Variants in SMARCB1 observed in about 807,000 individuals in gnomAD.
SMARCB1 encodes the protein SWI/SNF related BAF chromatin remodeling complex subunit B1, also known as SWI/SNF-related matrix-associated actin-dependent regulator of chromatin subfamily B member 1.
Under a neutral mutation model 49.0 loss-of-function variants are expected in SMARCB1, and 5 were observed. That is an observed-to-expected ratio of 0.10 (90% CI 0.05 to 0.21). The LOEUF is 0.21. Ranked by LOEUF, SMARCB1 falls within the 10% of genes least tolerant of loss-of-function variation. SMARCB1 has a pLI of 1.00. For synonymous variants in SMARCB1, 201 were observed against 200.1 expected, an observed-to-expected ratio of 1.00 and a Z score of -0.04; for missense variants, 226 against 509.2, an observed-to-expected ratio of 0.44 and a Z score of 5.35.
At position 23,834,416 on chromosome 22, in the gene SMARCB1, A is replaced by T; in HGVS notation, c.*236A>T. 1 of 702,076 alleles carries T rather than the reference A, an allele frequency of 1.4e-6. No individual in the cohort carries two copies. The allele number at this position is 702,076 out of a possible 1,614,324, so 43.5% of individuals were successfully genotyped here. ...TCCCCAGTCTCTGGGGTCAGGAAGAAACCTTATTTTAGGTTGTGTTTTGTT... is the reference window on the plus strand; with the variant it reads ...TCCCCAGTCTCTGGGGTCAGGAAGATACCTTATTTTAGGTTGTGTTTTGTT... On this transcript the variant is annotated 3_prime_UTR_variant, in exon 9 of 9. Coordinates refer to ENST00000644036, the MANE Select transcript of SMARCB1 (RefSeq NM_003073.5).
chr22:23,833,495 C>T, intron 7 of SMARCB1, 77 bp from the exon 8 acceptor site: 1 of 1,596,848 alleles, frequency 6.3e-7, no homozygotes, highest in Non-Finnish European at 8.6e-7. Context: ...AGGGCACAGA[C>T]AGGGGCCAAA....
chr22:23,798,705 A>C (rs1473962680), intron 3 of SMARCB1, among the ~76,000 whole-genome samples: 1 of 152,150 alleles, frequency 6.6e-6, no homozygotes, highest in Non-Finnish European at 1.5e-5. Context: ...CCCTCTGGAA[A>C]GGAGAAGGAC....
chr22:23,800,712 T>C (rs992283775), intron 3 of SMARCB1, among the ~76,000 whole-genome samples: 1 of 152,180 alleles, frequency 6.6e-6, no homozygotes, highest in Non-Finnish European at 1.5e-5. Context: ...CAGTACACCA[T>C]GGCCGTGCTG....
chr22:23,809,409 TG>T (rs1929727213), intron 5 of SMARCB1, among the ~76,000 whole-genome samples: 1 of 151,792 alleles, frequency 6.6e-6, no homozygotes, highest in Non-Finnish European at 1.5e-5. Flanking sequence ...CCTGAGTAGC[TG>T]GGATTACAGG....
At chr22:23,813,865 T>C (rs1326547023) in intron 5 of SMARCB1, among the ~76,000 whole-genome samples, 2 of 152,178 alleles carry the variant, frequency 1.3e-5, no homozygotes, top group Admixed American at 6.5e-5. Flanking sequence ...AGTTTTGCTC[T>C]TTTGCCCAGG....
chr22:23,824,921 C>A, intron 6 of SMARCB1: 1 of 497,726 alleles, frequency 2.0e-6, no homozygotes, highest in Non-Finnish European at 3.7e-6. Context: ...GGAAGGTCCC[C>A]ACCAGCACAG....
chr22:23,827,372 T>G (rs1285535479), intron 7 of SMARCB1, among the ~76,000 whole-genome samples: 2 of 152,184 alleles, frequency 1.3e-5, no homozygotes, highest in Non-Finnish European at 2.9e-5. Context: ...GACCCGAAGG[T>G]GACCTGAGCC....
intron 3 of SMARCB1, among the ~76,000 whole-genome samples, chr22:23,795,240 C>T (rs1928665273): frequency 6.6e-6 from 1 of 151,986 alleles, no homozygotes; most frequent in Admixed American, 6.6e-5. Context: ...CCCAGGAGAC[C>T]AGCCTGAGCA....
intron 3 of SMARCB1, among the ~76,000 whole-genome samples, chr22:23,800,502 G>A (rs574580176): frequency 2.6e-5 from 4 of 152,150 alleles, no homozygotes; most frequent in East Asian, 1.9e-4. Context: ...ACCTGTGATC[G>A]GTCCCCTCCC....
At chr22:23,795,340 G>A (rs976876991) in intron 3 of SMARCB1, among the ~76,000 whole-genome samples, 86 of 151,974 alleles carry the variant, frequency 5.7e-4, no homozygotes, top group Non-Finnish European at 1.8e-4. Context: ...GTAACAGAAC[G>A]ACACTCTTTG....
chr22:23,805,691 G>A (rs930091433), intron 5 of SMARCB1, among the ~76,000 whole-genome samples: 1 of 152,160 alleles, frequency 6.6e-6, no homozygotes, highest in African/African-American at 2.4e-5. Context: ...TTTTAGTGGA[G>A]ACGGGATTTC....
Position 23,834,602 on chromosome 22 carries a change from T to C in SMARCB1, c.*422T>C, listed in dbSNP as rs2030888479. On this transcript the variant is annotated 3_prime_UTR_variant, in exon 9 of 9. Coordinates refer to ENST00000644036, the MANE Select transcript of SMARCB1 (RefSeq NM_003073.5). ...CCGGGGCCTGGGGGGACGAAGGTGGTATGTGAACAAGGTTGGCACACAGGC... is the reference window on the plus strand; with the variant it reads ...CCGGGGCCTGGGGGGACGAAGGTGGCATGTGAACAAGGTTGGCACACAGGC... 4.2e-6 allele frequency: 3 copies of C among 720,688 alleles called. No homozygotes were observed. Among genetic ancestry groups the C allele is most frequent in the Non-Finnish European group, 4.9e-6 (2 of 407,800 alleles). 44.6% of individuals were successfully genotyped at this position (720,688 alleles called of 1,614,324 possible).
intron 3 of SMARCB1, among the ~76,000 whole-genome samples, chr22:23,797,277 C>T (rs1351304779): frequency 6.8e-6 from 1 of 147,532 alleles, no homozygotes; most frequent in South Asian, 2.2e-4. Flanking sequence ...GGATTACAGG[C>T]GTGAGCCACC....
At chr22:23,793,229 A>G in intron 2 of SMARCB1, 1 of 400,624 alleles carries the variant, frequency 2.5e-6, no homozygotes, top group South Asian at 2.1e-5. Context: ...GACCAAGAGA[A>G]TATGTTCTGG....
intron 7 of SMARCB1, among the ~76,000 whole-genome samples, chr22:23,829,539 C>T (rs550792587): frequency 4.6e-5 from 7 of 152,266 alleles, no homozygotes; most frequent in African/African-American, 1.4e-4. Context: ...CCTCTGATGG[C>T]ACAGCATCAG....
chr22:23,827,131 C>T (rs1482489330), intron 7 of SMARCB1, among the ~76,000 whole-genome samples: 1 of 152,212 alleles, frequency 6.6e-6, no homozygotes, highest in African/African-American at 2.4e-5. Flanking sequence ...ACACTGAGCA[C>T]CTCCTCCCGC....
At position 23,817,027 on chromosome 22, in the gene SMARCB1, GA is replaced by G. The variant is rs1930236945; in HGVS notation, c.795+93del. On this transcript the variant is annotated intron_variant, in intron 6 of 8. Transcript: ENST00000644036. ...CTGAGGGTACACCAAGGCCTCAGCAGAAGCCCGTCTTTGGGTTCCATATCAT... is the reference window on the plus strand; with the variant it reads ...CTGAGGGTACACCAAGGCCTCAGCAGAGCCCGTCTTTGGGTTCCATATCAT... 17 of 1,046,056 alleles carry G rather than the reference GA, an allele frequency of 1.6e-5. No homozygotes were observed. The South Asian group carries it at 2.2e-4, about 14-fold the overall frequency. The allele number at this position is 1,046,056 out of a possible 1,614,324, so 64.8% of individuals were successfully genotyped here.
intron 7 of SMARCB1, among the ~76,000 whole-genome samples, chr22:23,827,728 T>C (rs1301459954): frequency 6.6e-6 from 1 of 151,988 alleles, no homozygotes; most frequent in Admixed American, 6.6e-5. Context: ...GCTTTTAGCA[T>C]CAGGAGGGCT....
rs2031199994 is a variant in SMARCB1 at position 23,837,713 on chromosome 22, C to G, written c.*3533C>G. ...AGCAGCAGCGAGAAGCCCATGAGCG[C>G]CCAAGGCAGGAACGGTGCCTGGAAA... On this transcript the variant is annotated 3_prime_UTR_variant, in exon 9 of 9. Transcript: ENST00000644036. 2 of 1,613,876 alleles carry G rather than the reference C, an allele frequency of 1.2e-6. No homozygotes were observed. Among genetic ancestry groups the G allele is most frequent in the Admixed American group, 1.7e-5 (1 of 60,006 alleles).
Sources: allele counts gnomAD v4.1 joint callset (sites outside exome capture counted in the v4.1 genomes callset), GRCh38; gene constraint gnomAD v4.1.1; transcripts MANE v1.5; gene names NCBI Gene and HGNC (gene_info 2026-07-23, HGNC 2026-07-21).